Variants in ETS1 observed in about 807,000 individuals in gnomAD.
The protein encoded by ETS1 is ETS proto-oncogene 1, transcription factor, also known as protein C-ets-1.
Under a neutral mutation model 58.6 loss-of-function variants are expected in ETS1, and 15 were observed. The ratio of observed to expected loss-of-function variants is 0.26; its 90% CI spans 0.17 to 0.39. The LOEUF (loss-of-function observed/expected upper bound fraction) is 0.39, where lower values mean the gene tolerates loss of function less well. Among genes scored for constraint, ETS1 ranks in the 10% least tolerant of loss-of-function variants. The probability of loss-of-function intolerance (pLI) is 1.00; values close to 1 mark genes in which losing one functional copy is unlikely to be tolerated. For missense variants in ETS1, 417 were observed against 610.5 expected (o/e 0.68, Z 3.34); for synonymous variants, 214 against 218.2 (o/e 0.98, Z 0.17).
chr11:128,529,339 TGGG>T (rs889159643), intron 3 of ETS1, among the ~76,000 whole-genome samples: 12 of 152,040 alleles, frequency 7.9e-5, no homozygotes, highest in African/African-American at 2.9e-4. Flanking sequence ...GAAGTAGAAA[TGGG>T]GGGACATGGG....
intron 8 of ETS1, among the ~76,000 whole-genome samples, chr11:128,466,682 G>C (rs1452363987): frequency 2.0e-5 from 3 of 151,318 alleles, no homozygotes; most frequent in Non-Finnish European, 4.4e-5. Context: ...TCCTCATTGT[G>C]ACTTTTCCTT....
At chr11:128,517,777 T>G (rs1377253034) in intron 3 of ETS1, among the ~76,000 whole-genome samples, 2 of 152,046 alleles carry the variant, frequency 1.3e-5, no homozygotes, top group Non-Finnish European at 2.9e-5. Context: ...CAGAGAGACC[T>G]GGGCTCCGGG....
intron 3 of ETS1, among the ~76,000 whole-genome samples, chr11:128,502,879 G>A (rs1275143339): frequency 6.6e-6 from 1 of 152,172 alleles, no homozygotes; most frequent in Non-Finnish European, 1.5e-5. Flanking sequence ...GCCCCTGCAG[G>A]CATCTCCTCC....
intron 8 of ETS1, among the ~76,000 whole-genome samples, chr11:128,475,919 C>CA (rs1268515659): frequency 1.3e-5 from 2 of 151,582 alleles, no homozygotes; most frequent in Admixed American, 1.3e-4. Context: ...CTCACACACA[C>CA]AAAAAAATTT....
chr11:128,524,190 T>C lies in ETS1; in HGVS notation c.214+32101A>G, dbSNP rs1863756066. Among the ~76,000 whole-genome samples the C allele has an allele frequency of 2.0e-5, 3 of 152,314 alleles. No individual in the cohort carries two copies. The East Asian group carries it at 5.8e-4, about 29-fold the overall frequency. On this transcript the variant is annotated intron_variant, in intron 3 of 9. Coordinates refer to ENST00000392668, the MANE Select transcript of ETS1 (RefSeq NM_001143820.2). ...GCTGCTAACATCCACCCAAATTAGATACTAAAAAAGCCCACCATGATTAAA... is the reference window on the plus strand; with the variant it reads ...GCTGCTAACATCCACCCAAATTAGACACTAAAAAAGCCCACCATGATTAAA...
chr11:128,458,835 T>C lies in ETS1; in HGVS notation c.*3526A>G, dbSNP rs1861833367. 1 of 152,630 alleles carries C rather than the reference T, an allele frequency of 6.6e-6. No homozygotes were observed. Among genetic ancestry groups the C allele is most frequent in the South Asian group, 2.1e-4 (1 of 4,826 alleles). 9.5% of individuals were successfully genotyped at this position (152,630 alleles called of 1,614,324 possible). ...CAATATGAAATCAGGCTACAGTATA[T>C]AAAAAACTCTCCAGCAAAATGATGT... is the stretch of plus-strand genomic sequence containing the variant. On this transcript the variant is annotated 3_prime_UTR_variant, in exon 10 of 10. Coordinates refer to ENST00000392668, the MANE Select transcript of ETS1 (RefSeq NM_001143820.2). The surrounding 1 kb of genome is among the most constrained non-coding windows in gnomAD (Gnocchi z 4.3).
At chr11:128,501,515 A>G (rs1591622262) in intron 3 of ETS1, among the ~76,000 whole-genome samples, 2 of 152,308 alleles carry the variant, frequency 1.3e-5, no homozygotes, top group Middle Eastern at 3.4e-3. Flanking sequence ...GAACTTTTTT[A>G]TACCTTGAAT....
chr11:128,512,276 A>G (rs138506554), intron 3 of ETS1, among the ~76,000 whole-genome samples: 3 of 152,314 alleles, frequency 2.0e-5, no homozygotes, highest in African/African-American at 7.2e-5. Flanking sequence ...CCCAATAACT[A>G]TCAGAAAATA....
At position 128,500,561 on chromosome 11, in the gene ETS1, C is replaced by G. The variant is rs578220011; in HGVS notation, c.215-9985G>C. On this transcript the variant is annotated intron_variant, in intron 3 of 9. Coordinates refer to ENST00000392668, the MANE Select transcript of ETS1 (RefSeq NM_001143820.2). ...AAAAACAAAGTGGACATTCTTCCTG[C>G]GTTCTAAGGCTTTTTTATGCAGATG... Among the ~76,000 whole-genome samples the G allele has an allele frequency of 3.3e-5, 5 of 151,992 alleles. No homozygotes were observed. In the East Asian group the frequency reaches 9.7e-4, roughly 29 times the overall value.
At chr11:128,515,453 T>G (rs1863498359) in intron 3 of ETS1, among the ~76,000 whole-genome samples, 1 of 152,206 alleles carries the variant, frequency 6.6e-6, no homozygotes, top group Non-Finnish European at 1.5e-5. Context: ...ATATAATCCA[T>G]GTTTGGGGGA....
At chr11:128,480,100 C>G in intron 8 of ETS1, 91 bp downstream of exon 8, 1 of 1,526,568 alleles carries the variant, frequency 6.6e-7, no homozygotes, top group Non-Finnish European at 8.8e-7. Flanking sequence ...AGTCTCTCGT[C>G]GTCTCTGGTC....
intron 3 of ETS1, among the ~76,000 whole-genome samples, chr11:128,533,741 A>G (rs1378501199): frequency 1.3e-5 from 2 of 152,230 alleles, no homozygotes; most frequent in East Asian, 3.8e-4. Context: ...TCAGCAGCAC[A>G]TATAGGTTTC....
At chr11:128,585,245 A>AG (rs1258786323) in intron 1 of ETS1, among the ~76,000 whole-genome samples, 2 of 148,350 alleles carry the variant, frequency 1.3e-5, no homozygotes, top group Admixed American at 6.7e-5. Flanking sequence ...AAAGAAAGAA[A>AG]AAGAAAGGAG....
In ETS1 at chr11:128,463,287, A is replaced by G. The variant is rs969925921; in HGVS notation, c.1242+222T>C. On this transcript the variant is annotated intron_variant, in intron 9 of 9. Transcript: ENST00000392668. The surrounding 1 kb of genome is among the most constrained non-coding windows in gnomAD (Gnocchi z 4.1). ...ACTGCCAGGCACGTTAATGCCTTCT[A>G]TCAGCTAATCCTGTAAGACAAATGG... Among the ~76,000 whole-genome samples, 9 of 152,210 alleles carry G rather than the reference A, an allele frequency of 5.9e-5. No homozygotes were observed. Among genetic ancestry groups the G allele is most frequent in the African/African-American group, 2.2e-4 (9 of 41,458 alleles).
At chr11:128,569,318 CTTTTTTT>C (rs398018017) in intron 2 of ETS1, among the ~76,000 whole-genome samples, 9 of 39,462 alleles carry the variant, frequency 2.3e-4, no homozygotes, top group African/African-American at 4.4e-4. Context: ...AGAGTTTCTT[CTTTTTTT>C]TTTTTTTTTT....
intron 3 of ETS1, among the ~76,000 whole-genome samples, chr11:128,499,042 T>G (rs1211827097): frequency 6.6e-6 from 1 of 152,180 alleles, no homozygotes; most frequent in Non-Finnish European, 1.5e-5. Flanking sequence ...AGAACCACAT[T>G]GCATCCTATT....
chr11:128,504,002 A>G (rs896953261), intron 3 of ETS1, among the ~76,000 whole-genome samples: 1 of 152,196 alleles, frequency 6.6e-6, no homozygotes, highest in African/African-American at 2.4e-5. Flanking sequence ...CACACAGTGC[A>G]GTAAATCTAA....
chr11:128,490,552 A>T lies in ETS1; in HGVS notation c.239T>A (p.Leu80Gln), dbSNP rs757197855. The T allele has an allele frequency of 8.7e-6, 14 of 1,612,726 alleles. No homozygotes were observed. The Admixed American group carries it at 2.3e-4, about 27-fold the overall frequency. The change falls in exon 4 of 10, where the codon CTA (leucine) becomes CAA (glutamine). Residue 80 changes from leucine (L) to glutamine (Q), a missense_variant. Leu to Gln is a moderately radical substitution (Grantham distance 113, BLOSUM62 -2). Around this residue, in one of 4 missense-constraint regions of ETS1, gnomAD observed 132 missense variants for 212.1 expected, o/e 0.62. Transcript: ENST00000392668. ...VSDMECADVP[L>Q]LTPSSKEMMS... ...CATTTCTTTGCTGCTTGGAGTTAAT[A>T]GTGGGACATCTGCACATTCCATATC...
chr11:128,516,142 G>A (rs754301575), intron 3 of ETS1, among the ~76,000 whole-genome samples: 4 of 152,202 alleles, frequency 2.6e-5, no homozygotes, highest in East Asian at 1.9e-4. Flanking sequence ...GCAGATAGGC[G>A]AAGGCTTCAG....
Sources: gnomAD v4.1 joint callset for allele counts (sites outside exome capture counted in the v4.1 genomes callset) on GRCh38, gnomAD v4.1.1 for gene constraint, gnomAD v4.1.1 regional missense constraint, Gnocchi (gnomAD v3.1) non-coding constraint, MANE v1.5 for transcripts, NCBI Gene and HGNC (gene_info 2026-07-23, HGNC 2026-07-21) for gene names.